The following CAMSAP1 variants were observed in gnomAD, a reference collection of about 807,000 sequenced individuals.
CAMSAP1 encodes the protein calmodulin regulated spectrin associated protein 1.
A neutral mutation model predicts 143.5 loss-of-function variants in CAMSAP1; 58 were observed. The observed-to-expected ratio is 0.40, with a 90% CI of 0.33 to 0.50. The LOEUF (loss-of-function observed/expected upper bound fraction) is 0.50. CAMSAP1 is among the 20% of genes least tolerant of loss of function. The pLI is 0.45. For synonymous variants in CAMSAP1, 945 were observed against 859.3 expected, an observed-to-expected ratio of 1.10 and a Z score of -1.74; for missense variants, 1,969 against 2,115.7, an observed-to-expected ratio of 0.93 and a Z score of 1.36.
Position 135,850,470 on chromosome 9 carries a change from C to A in CAMSAP1, c.809-9G>T. 6.5e-7 allele frequency: 1 copy of A among 1,545,140 alleles called. No homozygotes were observed. Among genetic ancestry groups the A allele is most frequent in the Non-Finnish European group, 8.7e-7 (1 of 1,151,276 alleles). On this transcript the variant is annotated splice_polypyrimidine_tract_variant and intron_variant, in intron 5 of 16. Coordinates refer to ENST00000389532, the MANE Select transcript of CAMSAP1 (RefSeq NM_015447.4). Reference sequence around the variant, plus strand: ...CTCCTTTAAGCATATATCTAATAGACAAAAAGAAAATCACAATTTATTGTA... The same window carrying A: ...CTCCTTTAAGCATATATCTAATAGAAAAAAAGAAAATCACAATTTATTGTA...
At position 135,827,569 on chromosome 9, in the gene CAMSAP1, T is replaced by C. The variant is rs895569787; in HGVS notation, c.1061A>G (p.His354Arg). The C allele has an allele frequency of 6.3e-7, 1 of 1,580,784 alleles. No homozygotes were observed. The highest frequency in any genetic ancestry group is 1.3e-5 in the African/African-American group (1 of 74,182). Residue 354 changes from histidine (H) to arginine (R), a missense_variant, in exon 8 of 17, where the codon CAC (histidine) becomes CGC (arginine). Around this residue, in one of 4 missense-constraint regions of CAMSAP1, gnomAD observed 221 missense variants for 298.2 expected, o/e 0.74. Coordinates refer to ENST00000389532, the MANE Select transcript of CAMSAP1 (RefSeq NM_015447.4). ...TACAGGAGGCCGGCTGCTCTTCTGG[T>C]GTAACACTGTTTTCGCTGCAGAAAT... Reference protein sequence around the residue: ...QELKDAKTVLHQKSSRPPVPI... With the variant: ...QELKDAKTVLRQKSSRPPVPI...
intron 7 of CAMSAP1, among the ~76,000 whole-genome samples, chr9:135,847,961 A>AGGGGGAGGGGGT (rs1836636263): frequency 7.7e-5 from 1 of 12,926 alleles, no homozygotes; most frequent in African/African-American, 3.3e-4. Flanking sequence ...GGGGAGGGGG[A>AGGGGGAGGGGGT]GGAGTGAAGG....
chr9:135,817,369 G>A (rs1035728018), intron 14 of CAMSAP1, among the ~76,000 whole-genome samples: 1 of 152,114 alleles, frequency 6.6e-6, no homozygotes, highest in African/African-American at 2.4e-5. Flanking sequence ...CATCTCCAAC[G>A]GAGTGGTTTT....
intron 8 of CAMSAP1, 42 bp downstream of exon 8, chr9:135,827,365 C>A: frequency 7.0e-7 from 1 of 1,430,392 alleles, no homozygotes; most frequent in Non-Finnish European, 9.3e-7. Context: ...AAAAGGGACA[C>A]AAGATGGTGA....
intron 1 of CAMSAP1, among the ~76,000 whole-genome samples, chr9:135,886,334 G>T (rs377617484): frequency 5.9e-5 from 9 of 152,198 alleles, no homozygotes; most frequent in African/African-American, 2.2e-4. Flanking sequence ...AGTGCTGGGG[G>T]ACTGGGGTGC....
chr9:135,870,023 G>A (rs1374674732), intron 3 of CAMSAP1, among the ~76,000 whole-genome samples: 1 of 152,216 alleles, frequency 6.6e-6, no homozygotes, highest in East Asian at 1.9e-4. Flanking sequence ...GGGCTGAGGA[G>A]AGAATGACGT....
intron 7 of CAMSAP1, among the ~76,000 whole-genome samples, chr9:135,832,780 A>C (rs1835895942): frequency 6.6e-6 from 1 of 152,198 alleles, no homozygotes; most frequent in Admixed American, 6.5e-5. Context: ...AAACAATCCA[A>C]TTTATAATAG....
rs189177258 is a variant in CAMSAP1, at chr9:135,818,164, G to A, written c.4169-85C>T. 36 of 1,392,154 alleles carry A rather than the reference G, an allele frequency of 2.6e-5. No individual in the cohort carries two copies. The Admixed American group carries it at 4.6e-4, about 18-fold the overall frequency. The allele number at this position is 1,392,154 out of a possible 1,614,324, so 86.2% of individuals were successfully genotyped here. ...CCCCTGTACCTGTTCCCCTCACCTC[G>A]CCCTGCAGAGCTCGGCCACACAGGC... is the stretch of plus-strand genomic sequence containing the variant. On this transcript the variant is annotated intron_variant, in intron 13 of 16. Transcript: ENST00000389532. The surrounding 1 kb of genome is among the most constrained non-coding windows in gnomAD (Gnocchi z 7.7).
At chr9:135,847,728 AT>A in intron 7 of CAMSAP1, among the ~76,000 whole-genome samples, 1 of 145,432 alleles carries the variant, frequency 6.9e-6, no homozygotes, top group Admixed American at 7.0e-5. Context: ...GAGGGAGAGC[AT>A]TAGGGAAAAC....
intron 5 of CAMSAP1, among the ~76,000 whole-genome samples, chr9:135,858,168 T>A (rs1327991037): frequency 6.9e-6 from 1 of 144,326 alleles, no homozygotes; most frequent in Admixed American, 7.0e-5. Context: ...TTTTTTTTTT[T>A]AATTACTTCT....
At chr9:135,862,929 G>A (rs1564446509) in intron 4 of CAMSAP1, among the ~76,000 whole-genome samples, 1 of 152,084 alleles carries the variant, frequency 6.6e-6, no homozygotes. Flanking sequence ...AAAGGACACA[G>A]AACACACACC....
chr9:135,901,421 C>T (rs1838612908), intron 1 of CAMSAP1, among the ~76,000 whole-genome samples: 1 of 152,032 alleles, frequency 6.6e-6, no homozygotes, highest in Non-Finnish European at 1.5e-5. Flanking sequence ...CTGGGCAACA[C>T]AGGAAAACTC....
At chr9:135,854,305 T>G (rs1836876251) in intron 5 of CAMSAP1, among the ~76,000 whole-genome samples, 1 of 152,226 alleles carries the variant, frequency 6.6e-6, no homozygotes, top group Non-Finnish European at 1.5e-5. Flanking sequence ...ACACAAATAT[T>G]CTCAGTATTT....
Position 135,903,722 on chromosome 9 carries a change from C to T in CAMSAP1, c.160+3278G>A, listed in dbSNP as rs922700911. 2.0e-5 allele frequency among the ~76,000 whole-genome samples: 3 copies of T among 152,216 alleles called. No individual in the cohort carries two copies. In the East Asian group the frequency reaches 5.8e-4, roughly 29 times the overall value. ...AAGTTAAATATTGAAGCCACTTTCA[C>T]CATCATACCCCCAAAAGCGATTTCC... is the stretch of plus-strand genomic sequence containing the variant. On this transcript the variant is annotated intron_variant, in intron 1 of 16. Transcript: ENST00000389532.
chr9:135,839,500 G>C (rs1433792265), intron 7 of CAMSAP1, among the ~76,000 whole-genome samples: 1 of 152,170 alleles, frequency 6.6e-6, no homozygotes, highest in East Asian at 1.9e-4. Flanking sequence ...CATGCCACAG[G>C]AGTCTCTGGC....
At chr9:135,815,828 G>C (rs1357797431) in intron 15 of CAMSAP1, 62 bp downstream of exon 15, 7 of 1,302,494 alleles carry the variant, frequency 5.4e-6, no homozygotes, top group South Asian at 1.2e-5. Flanking sequence ...GATATTGAAA[G>C]AGCCACGCAA....
Position 135,905,790 on chromosome 9 carries a change from C to T in CAMSAP1, c.160+1210G>A, listed in dbSNP as rs552080928. On this transcript the variant is annotated intron_variant, in intron 1 of 16. Transcript: ENST00000389532. ...GTGTGAGGCAGGTGAGCCCACGCAGCCGGCAGTGACTGCAAGATACCCAGG... is the reference window on the plus strand; with the variant it reads ...GTGTGAGGCAGGTGAGCCCACGCAGTCGGCAGTGACTGCAAGATACCCAGG... 4.6e-5 allele frequency among the ~76,000 whole-genome samples: 7 copies of T among 152,318 alleles called. 1 individual carries two copies. The South Asian group carries it at 1.5e-3, about 32-fold the overall frequency.
intron 1 of CAMSAP1, among the ~76,000 whole-genome samples, chr9:135,891,543 T>C (rs1296740983): frequency 2.6e-5 from 4 of 152,174 alleles, no homozygotes; most frequent in Admixed American, 1.3e-4. Flanking sequence ...CTGAACCCAA[T>C]GGGGTTTATT....
At chr9:135,835,544 C>T (rs1345125877) in intron 7 of CAMSAP1, among the ~76,000 whole-genome samples, 2 of 152,208 alleles carry the variant, frequency 1.3e-5, no homozygotes, top group Non-Finnish European at 2.9e-5. Context: ...GCACAAAACG[C>T]AGAGCCAACA....
Sources: gnomAD v4.1 joint callset for allele counts (sites outside exome capture counted in the v4.1 genomes callset) on GRCh38, gnomAD v4.1.1 for gene constraint, gnomAD v4.1.1 regional missense constraint, Gnocchi (gnomAD v3.1) non-coding constraint, MANE v1.5 for transcripts, NCBI Gene and HGNC (gene_info 2026-07-23, HGNC 2026-07-21) for gene names.